Variants in WDFY3 observed in about 807,000 individuals in gnomAD.
WDFY3 encodes the protein WD repeat and FYVE domain-containing protein 3.
A neutral mutation model predicts 409.6 loss-of-function variants in WDFY3; 66 were observed. The observed-to-expected ratio is 0.16, with a 90% CI of 0.13 to 0.20. WDFY3 has a LOEUF of 0.20. Among genes scored for constraint, WDFY3 ranks in the 10% least tolerant of loss-of-function variants. The pLI is 1.00. For synonymous variants in WDFY3, 1,521 were observed against 1,537.1 expected, an observed-to-expected ratio of 0.99 and a Z score of 0.25; for missense variants, 3,031 against 4,298.1, an observed-to-expected ratio of 0.71 and a Z score of 8.24.
At chr4:84,839,445 AC>A (rs1053509100) in intron 6 of WDFY3, among the ~76,000 whole-genome samples, 1 of 151,866 alleles carries the variant, frequency 6.6e-6, no homozygotes, top group Non-Finnish European at 1.5e-5. Context: ...ACAATAACCA[AC>A]CCTCTCCATT....
chr4:84,688,324 G>A (rs908524412), intron 61 of WDFY3, 59 bp from the exon 62 acceptor site: 4 of 1,539,998 alleles, frequency 2.6e-6, no homozygotes, highest in Non-Finnish European at 3.5e-6. Flanking sequence ...GTTCCACAGT[G>A]ACTCCAGAAG....
chr4:84,906,770 GA>G (rs1767093878), intron 2 of WDFY3, among the ~76,000 whole-genome samples: 1 of 142,062 alleles, frequency 7.0e-6, no homozygotes, highest in African/African-American at 2.7e-5. Context: ...GATATTTTGT[GA>G]TTTTTTTTTT....
intron 10 of WDFY3, among the ~76,000 whole-genome samples, chr4:84,825,327 T>C (rs1312702397): frequency 6.6e-6 from 1 of 151,670 alleles, no homozygotes; most frequent in Admixed American, 6.6e-5. Context: ...AGCTGGAATC[T>C]ATAAATTAGA....
rs563577731 is a variant in WDFY3 at position 84,934,889 on chromosome 4, T to C, written c.-225-2526A>G. Among the ~76,000 whole-genome samples, 33 of 152,244 alleles carry C rather than the reference T, an allele frequency of 2.2e-4. No homozygotes were observed. In the South Asian group the frequency reaches 6.6e-3, roughly 31 times the overall value. ...ATTACTTTGCTTTTTAAACAGTATA[T>C]CACATAGGTACATCTTCCTGAACAA... is the stretch of plus-strand genomic sequence containing the variant. On this transcript the variant is annotated intron_variant, in intron 1 of 67. Transcript: ENST00000295888.
Position 84,932,367 on chromosome 4 carries a change from A to G in WDFY3, c.-225-4T>C, listed in dbSNP as rs557368205. ...CAGACGTGGAGAAGTATTATACCTGATGAAGGAAAGGAAAAGAAAACTCAG... is the reference window on the plus strand; with the variant it reads ...CAGACGTGGAGAAGTATTATACCTGGTGAAGGAAAGGAAAAGAAAACTCAG... On this transcript the variant is annotated splice_polypyrimidine_tract_variant and splice_region_variant and intron_variant, in intron 1 of 67. Coordinates refer to ENST00000295888, the MANE Select transcript of WDFY3 (RefSeq NM_014991.6). 6.6e-6 allele frequency: 1 copy of G among 152,284 alleles called. No individual in the cohort carries two copies. Among genetic ancestry groups the G allele is most frequent in the South Asian group, 2.1e-4 (1 of 4,822 alleles). The allele number at this position is 152,284 out of a possible 1,614,324, so 9.4% of individuals were successfully genotyped here.
intron 2 of WDFY3, among the ~76,000 whole-genome samples, chr4:84,921,940 C>T (rs142607916): frequency 0.014 from 2,140 of 151,972 alleles, 22 homozygotes; most frequent in Non-Finnish European, 0.022. Context: ...CAGACATGAG[C>T]CACCGCACCT....
intron 56 of WDFY3, among the ~76,000 whole-genome samples, chr4:84,698,243 G>C (rs1302479831): frequency 6.6e-6 from 1 of 150,996 alleles, no homozygotes; most frequent in Non-Finnish European, 1.5e-5. Context: ...AGATAACATA[G>C]TCTGCAGGAA....
At chr4:84,751,359 A>T (rs1740485499) in intron 36 of WDFY3, 124 bp downstream of exon 36, 8 of 1,003,476 alleles carry the variant, frequency 8.0e-6, no homozygotes, top group Non-Finnish European at 1.2e-5. Context: ...ACAGCCTATA[A>T]CATGTTCTGC....
At position 84,817,407 on chromosome 4, in the gene WDFY3, C is replaced by T; in HGVS notation, c.1872G>A (p.Lys624=). The change falls in exon 13 of 68, where the codon AAG becomes AAA. Residue 624 remains lysine, a synonymous_variant. Coordinates refer to ENST00000295888, the MANE Select transcript of WDFY3 (RefSeq NM_014991.6). ...TCAAACTTACCCTTAAAATATCAGT[C>T]TTCAACTGCAATTCCGTCGGTGGGG... ...HSAPPTELQL[K]TDILRALLSV... is the part of the protein sequence containing the mutation. 1.9e-6 allele frequency: 3 copies of T among 1,613,550 alleles called. No individual in the cohort carries two copies. Among genetic ancestry groups the T allele is most frequent in the Non-Finnish European group, 2.5e-6 (3 of 1,179,620 alleles).
chr4:84,828,781 C>T (rs1251003943), intron 9 of WDFY3, among the ~76,000 whole-genome samples: 2 of 152,084 alleles, frequency 1.3e-5, no homozygotes, highest in African/African-American at 2.4e-5. Context: ...TGCCTGTAGT[C>T]CTAGTTACTT....
chr4:84,716,977 G>A lies in WDFY3; in HGVS notation c.7794C>T (p.Gly2598=), dbSNP rs370176571. 6.8e-6 allele frequency: 11 copies of A among 1,608,330 alleles called. No individual in the cohort carries two copies. Among genetic ancestry groups the A allele is most frequent in the Admixed American group, 1.7e-5 (1 of 59,312 alleles). The change falls in exon 49 of 68, where the codon GGC becomes GGT. Residue 2598 remains glycine, a synonymous_variant. Transcript: ENST00000295888. ...EPIIPRGARQ[G]PSQLKRTCSI... is the part of the protein sequence containing the mutation. ...TGCATGTTCTCTTGAGTTGACTAGG[G>A]CCTTGCCTGGCTCCTCTAGGAATAA...
At chr4:84,876,970 T>C (rs577693007) in intron 3 of WDFY3, among the ~76,000 whole-genome samples, 1 of 152,320 alleles carries the variant, frequency 6.6e-6, no homozygotes, top group South Asian at 2.1e-4. Context: ...GCTATTAAAT[T>C]ATCAATATCT....
In WDFY3 at chr4:84,679,249, G is replaced by T; in HGVS notation, c.9824-7C>A. On this transcript the variant is annotated splice_region_variant and splice_polypyrimidine_tract_variant and intron_variant, in intron 64 of 67. Coordinates refer to ENST00000295888, the MANE Select transcript of WDFY3 (RefSeq NM_014991.6). ...TCGTCTTGGGCTTCCTGCCCTGGGT[G>T]AAGCATTGAGAGAATTGGAACATAC... The T allele has an allele frequency of 6.7e-7, 1 of 1,492,408 alleles. No homozygotes were observed. The highest frequency in any genetic ancestry group is 8.9e-7 in the Non-Finnish European group (1 of 1,117,474). The allele number at this position is 1,492,408 out of a possible 1,614,324, so 92.4% of individuals were successfully genotyped here.
chr4:84,676,897 A>G (rs2148725745), intron 67 of WDFY3, among the ~76,000 whole-genome samples: 1 of 152,346 alleles, frequency 6.6e-6, no homozygotes, highest in Non-Finnish European at 1.5e-5. Flanking sequence ...CAAAGAGGAT[A>G]CTTACAATGT....
At chr4:84,833,482 G>T (rs1290896838) in intron 7 of WDFY3, among the ~76,000 whole-genome samples, 1 of 151,946 alleles carries the variant, frequency 6.6e-6, no homozygotes, top group Non-Finnish European at 1.5e-5. Flanking sequence ...TTTGAGACCA[G>T]CCTGGGCAAC....
intron 15 of WDFY3, chr4:84,804,206 T>C (rs1003244834): frequency 6.6e-6 from 1 of 152,238 alleles, no homozygotes; most frequent in Non-Finnish European, 1.5e-5. Flanking sequence ...ACTACTCATC[T>C]ACAATTCATG....
At chr4:84,742,932 C>T (rs1738709592) in intron 37 of WDFY3, among the ~76,000 whole-genome samples, 1 of 152,090 alleles carries the variant, frequency 6.6e-6, no homozygotes, top group Non-Finnish European at 1.5e-5. Context: ...CCCCATTAAG[C>T]AAAATTATTT....
intron 4 of WDFY3, among the ~76,000 whole-genome samples, chr4:84,850,928 G>GTTTTTT (rs869074191): frequency 8.2e-4 from 38 of 46,216 alleles, no homozygotes; most frequent in East Asian, 1.8e-3. Context: ...TTATTTATCT[G>GTTTTTT]TTTTTTTTTT....
chr4:84,713,313 C>T (rs752487597), intron 50 of WDFY3, 74 bp from the exon 51 acceptor site: 349 of 1,364,384 alleles, frequency 2.6e-4, no homozygotes, highest in South Asian at 5.2e-4. Context: ...TAAGAAAGGA[C>T]GATTCGTTTA....
Sources: gnomAD v4.1 joint callset for allele counts (sites outside exome capture counted in the v4.1 genomes callset) on GRCh38, gnomAD v4.1.1 for gene constraint, MANE v1.5 for transcripts, NCBI Gene and HGNC (gene_info 2026-07-23, HGNC 2026-07-21) for gene names.